The following KCNH7 variants were observed in gnomAD, a reference collection of about 807,000 sequenced individuals.
KCNH7 encodes voltage-gated inwardly rectifying potassium channel KCNH7.
KCNH7 carries 49 observed loss-of-function variants against 120.8 expected under a neutral mutation model. The observed-to-expected ratio is 0.41, with a 90% CI of 0.32 to 0.51. KCNH7 has a LOEUF of 0.51. KCNH7 is among the 20% of genes least tolerant of loss of function. The pLI, the probability that KCNH7 is intolerant of heterozygous loss-of-function variation, is 0.38. For synonymous variants in KCNH7, 547 were observed against 516.1 expected, an observed-to-expected ratio of 1.06 and a Z score of -0.81; for missense variants, 1,097 against 1,446.6, an observed-to-expected ratio of 0.76 and a Z score of 3.92.
chr2:162,648,814 A>T (rs1396089782), intron 2 of KCNH7, among the ~76,000 whole-genome samples: 2 of 151,936 alleles, frequency 1.3e-5, no homozygotes, highest in Non-Finnish European at 2.9e-5. Flanking sequence ...GATCAGTTCA[A>T]ATGCTACCTT....
At chr2:162,680,507 A>G (rs1469024154) in intron 2 of KCNH7, among the ~76,000 whole-genome samples, 1 of 151,726 alleles carries the variant, frequency 6.6e-6, no homozygotes, top group South Asian at 2.1e-4. Flanking sequence ...TAAATAAATA[A>G]TCAGCCCCAG....
intron 2 of KCNH7, among the ~76,000 whole-genome samples, chr2:162,610,247 A>C (rs899397801): frequency 6.6e-6 from 1 of 152,200 alleles, no homozygotes; most frequent in Non-Finnish European, 1.5e-5. Flanking sequence ...TGGGCAGGCA[A>C]GCCTCACCTG....
chr2:162,555,964 C>A (rs561784502), intron 2 of KCNH7, among the ~76,000 whole-genome samples: 4 of 151,900 alleles, frequency 2.6e-5, no homozygotes, highest in Non-Finnish European at 5.9e-5. Flanking sequence ...TAGAACGCTG[C>A]GTATTCTTCA....
At chr2:162,450,752 C>T (rs1402941785) in intron 6 of KCNH7, among the ~76,000 whole-genome samples, 1 of 151,774 alleles carries the variant, frequency 6.6e-6, no homozygotes, top group Non-Finnish European at 1.5e-5. Context: ...TCAAGGTGGC[C>T]AAGTTTGGTT....
chr2:162,404,464 C>G (rs1687150313), intron 9 of KCNH7, among the ~76,000 whole-genome samples: 1 of 151,904 alleles, frequency 6.6e-6, no homozygotes, highest in African/African-American at 2.4e-5. Flanking sequence ...ATGTCAGAGA[C>G]GAAGCCTGAT....
chr2:162,682,873 GA>G (rs1004434167), intron 2 of KCNH7, among the ~76,000 whole-genome samples: 2 of 151,716 alleles, frequency 1.3e-5, no homozygotes, highest in African/African-American at 4.8e-5. Context: ...TGTTGGTCCA[GA>G]AAAAACCCAG....
intron 2 of KCNH7, among the ~76,000 whole-genome samples, chr2:162,662,952 G>A (rs1685016758): frequency 6.6e-6 from 1 of 152,148 alleles, no homozygotes; most frequent in Non-Finnish European, 1.5e-5. Flanking sequence ...TTACTCCTCT[G>A]ATGCCTTTCC....
chr2:162,669,495 G>A (rs752874468), intron 2 of KCNH7, among the ~76,000 whole-genome samples: 7 of 152,212 alleles, frequency 4.6e-5, no homozygotes, highest in Non-Finnish European at 8.8e-5. Flanking sequence ...ACAACTCTTC[G>A]GAAAGGTTTC....
At position 162,504,534 on chromosome 2, in the gene KCNH7, T is replaced by C. The variant is rs1690799843; in HGVS notation, c.1037A>G (p.Lys346Arg). ...TGAAGAAGGAGGTGATGAATTCTTT[T>C]TCTCAGTTTTGACCTCTGAAAAATT... ...TLNFSEVKTE[K>R]KNSSPPSSDK... is the part of the protein sequence containing the mutation. Residue 346 changes from lysine (K) to arginine (R), a missense_variant, in exon 6 of 16, where the codon AAA (lysine) becomes AGA (arginine). Transcript: ENST00000332142. 6.2e-7 allele frequency: 1 copy of C among 1,613,056 alleles called. No homozygotes were observed. The highest frequency in any genetic ancestry group is 8.5e-7 in the Non-Finnish European group (1 of 1,179,300).
intron 2 of KCNH7, among the ~76,000 whole-genome samples, chr2:162,692,153 G>T (rs1203702260): frequency 6.6e-6 from 1 of 150,732 alleles, no homozygotes; most frequent in Non-Finnish European, 1.5e-5. Flanking sequence ...CTAGAGTCTG[G>T]CTCTGTAGCC....
rs1387529656 is a variant in KCNH7, at chr2:162,512,649, A to G, written c.913+5T>C. On this transcript the variant is annotated splice_donor_5th_base_variant and intron_variant, in intron 5 of 15. Coordinates refer to ENST00000332142, the MANE Select transcript of KCNH7 (RefSeq NM_033272.4). ...CAGATGGTGAAATTTGAGTTTGTACATTACCTTTGACATTGCGACCATTGT... is the reference window on the plus strand; with the variant it reads ...CAGATGGTGAAATTTGAGTTTGTACGTTACCTTTGACATTGCGACCATTGT... 6.2e-7 allele frequency: 1 copy of G among 1,608,900 alleles called. No homozygotes were observed. Among genetic ancestry groups the G allele is most frequent in the Non-Finnish European group, 8.5e-7 (1 of 1,176,926 alleles).
At chr2:162,642,576 A>G (rs1297756234) in intron 2 of KCNH7, among the ~76,000 whole-genome samples, 2 of 152,166 alleles carry the variant, frequency 1.3e-5, no homozygotes, top group African/African-American at 2.4e-5. Context: ...GGAGAAATGT[A>G]TTGTTGTCAA....
At chr2:162,628,590 T>C (rs896148814) in intron 2 of KCNH7, among the ~76,000 whole-genome samples, 4 of 152,096 alleles carry the variant, frequency 2.6e-5, no homozygotes, top group African/African-American at 9.7e-5. Flanking sequence ...CTCTCCTTCA[T>C]CCCATTTTCT....
chr2:162,763,990 T>A (rs1339248863), intron 2 of KCNH7, among the ~76,000 whole-genome samples: 2 of 152,098 alleles, frequency 1.3e-5, no homozygotes, highest in African/African-American at 4.8e-5. Flanking sequence ...GAGGGTTTTT[T>A]TTCCTCTGTC....
rs1370136263 is a variant in KCNH7, at chr2:162,423,329, T to C, written c.2154+7A>G. 40 of 1,613,918 alleles carry C rather than the reference T, an allele frequency of 2.5e-5. No homozygotes were observed. Among genetic ancestry groups the C allele is most frequent in the Non-Finnish European group, 3.3e-5 (39 of 1,179,912 alleles). ...GCACTTTCATTTTGGAAAACAGACATACATACCATGTTCATGTCAATGCCA... is the reference window on the plus strand; with the variant it reads ...GCACTTTCATTTTGGAAAACAGACACACATACCATGTTCATGTCAATGCCA... On this transcript the variant is annotated splice_region_variant and intron_variant, in intron 9 of 15. Transcript: ENST00000332142.
rs78312415 is a variant in KCNH7 at position 162,385,705 on chromosome 2, C to G, written c.2711-766G>C. On this transcript the variant is annotated intron_variant, in intron 12 of 15. Coordinates refer to ENST00000332142, the MANE Select transcript of KCNH7 (RefSeq NM_033272.4). ...CTGGGGAGACAGTATAATTCTCCATCTGGTTTCTGCTAATAACTAACCAAC... is the reference window on the plus strand; with the variant it reads ...CTGGGGAGACAGTATAATTCTCCATGTGGTTTCTGCTAATAACTAACCAAC... 1.2e-3 allele frequency among the ~76,000 whole-genome samples: 184 copies of G among 151,942 alleles called. 2 individuals carry two copies. The highest frequency in any genetic ancestry group is 2.1e-3 in the Non-Finnish European group (141 of 67,846).
intron 7 of KCNH7, among the ~76,000 whole-genome samples, chr2:162,442,307 T>C (rs1012575617): frequency 1.1e-4 from 17 of 151,922 alleles, no homozygotes; most frequent in Non-Finnish European, 2.4e-4. Context: ...ATTACAGGCG[T>C]GAGCCACTGC....
chr2:162,405,308 T>G (rs949394656), intron 9 of KCNH7, among the ~76,000 whole-genome samples: 1 of 152,006 alleles, frequency 6.6e-6, no homozygotes, highest in African/African-American at 2.4e-5. Context: ...CTGTGATTGT[T>G]AAATCAATCC....
intron 2 of KCNH7, among the ~76,000 whole-genome samples, chr2:162,607,220 CAAAA>C (rs34786286): frequency 0.044 from 4,963 of 111,962 alleles, 287 homozygotes; most frequent in African/African-American, 0.14. Flanking sequence ...ACTAAAAATA[CAAAA>C]AAAAAAAAAA....
Sources: allele counts gnomAD v4.1 joint callset (sites outside exome capture counted in the v4.1 genomes callset), GRCh38; gene constraint gnomAD v4.1.1; transcripts MANE v1.5; gene names NCBI Gene and HGNC (gene_info 2026-07-23, HGNC 2026-07-21).